The following DOK6 variants were observed in gnomAD, a reference collection of about 807,000 sequenced individuals.
DOK6 encodes the protein downstream of tyrosine kinase 6.
A neutral mutation model predicts 44.0 loss-of-function variants in DOK6; 22 were observed. The observed-to-expected ratio is 0.50, with a 90% CI of 0.36 to 0.71. The LOEUF is 0.71. Among genes scored for constraint, DOK6 ranks in the 30% least tolerant of loss-of-function variants. The pLI, the probability that DOK6 is intolerant of heterozygous loss-of-function variation, is 0.00. For missense variants in DOK6, 340 were observed against 416.4 expected, an observed-to-expected ratio of 0.82 and a Z score of 1.60; for synonymous variants, 166 against 145.5, an observed-to-expected ratio of 1.14 and a Z score of -1.01.
At chr18:69,779,763 T>C (rs1980200074) in intron 7 of DOK6, among the ~76,000 whole-genome samples, 1 of 151,790 alleles carries the variant, frequency 6.6e-6, no homozygotes, top group African/African-American at 2.4e-5. Flanking sequence ...CACTGTATCA[T>C]AGTCCATTCA....
At position 69,611,495 on chromosome 18, in the gene DOK6, T is replaced by TACAC. The variant is rs58620722; in HGVS notation, c.289+12028_289+12031dup. On this transcript the variant is annotated intron_variant, in intron 3 of 7. Coordinates refer to ENST00000382713, the MANE Select transcript of DOK6 (RefSeq NM_152721.6). ...AAAAGGAAAAAGAAACAAGTACACG[T>TACAC]ACACACACACACACACACACACACA... Among the ~76,000 whole-genome samples, 1,002 of 150,894 alleles carry TACAC rather than the reference T, an allele frequency of 6.6e-3. 13 individuals are homozygous for TACAC. Among genetic ancestry groups the TACAC allele is most frequent in the East Asian group, 0.028 (139 of 5,032 alleles).
chr18:69,435,025 G>GGGAAGGAAGGAAGGAC (rs1246684554), intron 1 of DOK6, among the ~76,000 whole-genome samples: 4,635 of 72,178 alleles, frequency 0.064, 471 homozygotes, highest in East Asian at 0.14. Context: ...TAGGGAGGGA[G>GGGAAGGAAGGAAGGAC]GGAAGGAAGG....
intron 7 of DOK6, among the ~76,000 whole-genome samples, chr18:69,784,970 G>A (rs538549119): frequency 1.2e-4 from 19 of 152,200 alleles, no homozygotes; most frequent in African/African-American, 4.3e-4. Flanking sequence ...TAAACACTAC[G>A]GCAACACTTT....
intron 1 of DOK6, among the ~76,000 whole-genome samples, chr18:69,504,991 AT>A (rs1370970146): frequency 1.3e-5 from 2 of 152,072 alleles, no homozygotes; most frequent in Non-Finnish European, 2.9e-5. Context: ...CTCTGCACTT[AT>A]TTTCACGTAA....
At chr18:69,662,351 CA>C (rs1985550817) in intron 3 of DOK6, 1 of 152,210 alleles carries the variant, frequency 6.6e-6, no homozygotes, top group Non-Finnish European at 1.5e-5. Flanking sequence ...GAGGCTTTCA[CA>C]CTTTACTCAG....
At chr18:69,439,439 G>A (rs1311212832) in intron 1 of DOK6, among the ~76,000 whole-genome samples, 1 of 152,168 alleles carries the variant, frequency 6.6e-6, no homozygotes, top group African/African-American at 2.4e-5. Context: ...TTCTAGATAT[G>A]AAAGTCCTGA....
At chr18:69,657,658 A>T (rs562662067) in intron 3 of DOK6, among the ~76,000 whole-genome samples, 5 of 152,334 alleles carry the variant, frequency 3.3e-5, no homozygotes, top group Admixed American at 3.3e-4. Context: ...CTTCACCCTT[A>T]TACACCTAAC....
chr18:69,517,136 G>A (rs1438676150), intron 1 of DOK6, among the ~76,000 whole-genome samples: 1 of 151,964 alleles, frequency 6.6e-6, no homozygotes, highest in East Asian at 1.9e-4. Context: ...GGAGATTCTT[G>A]GTCAATAAGT....
chr18:69,448,118 G>A (rs1203408020), intron 1 of DOK6, among the ~76,000 whole-genome samples: 1 of 152,208 alleles, frequency 6.6e-6, no homozygotes, highest in African/African-American at 2.4e-5. Flanking sequence ...TCACTCATCT[G>A]GAAAGTGGGA....
chr18:69,535,040 G>A (rs894273525), intron 1 of DOK6, among the ~76,000 whole-genome samples: 2 of 151,962 alleles, frequency 1.3e-5, no homozygotes, highest in Non-Finnish European at 1.5e-5. Flanking sequence ...GCTTCCCTGT[G>A]TCTCAGTGCA....
At chr18:69,820,565 G>A (rs927649831) in intron 7 of DOK6, among the ~76,000 whole-genome samples, 5 of 152,022 alleles carry the variant, frequency 3.3e-5, no homozygotes, top group African/African-American at 7.2e-5. Context: ...GAAACTTAAC[G>A]CAGTATTAAC....
At chr18:69,530,549 G>A (rs1981956682) in intron 1 of DOK6, among the ~76,000 whole-genome samples, 1 of 151,622 alleles carries the variant, frequency 6.6e-6, no homozygotes, top group African/African-American at 2.4e-5. Context: ...AAGATGAGAA[G>A]TATCAAAGAA....
At chr18:69,646,382 T>C (rs1189121427) in intron 3 of DOK6, among the ~76,000 whole-genome samples, 2 of 152,230 alleles carry the variant, frequency 1.3e-5, no homozygotes, top group African/African-American at 2.4e-5. Context: ...AATGCAGACA[T>C]GAGTATGATG....
intron 2 of DOK6, among the ~76,000 whole-genome samples, chr18:69,589,039 C>T (rs1353924555): frequency 6.6e-6 from 1 of 151,544 alleles, no homozygotes; most frequent in East Asian, 1.9e-4. Flanking sequence ...CAACAGGAGG[C>T]AAATATAAGG....
chr18:69,598,326 T>C (rs1983794960), intron 2 of DOK6, among the ~76,000 whole-genome samples: 1 of 151,778 alleles, frequency 6.6e-6, no homozygotes, highest in Non-Finnish European at 1.5e-5. Context: ...AAAATATTAA[T>C]CAGCAAAATA....
At chr18:69,646,700 C>A (rs1477724431) in intron 3 of DOK6, among the ~76,000 whole-genome samples, 1 of 152,108 alleles carries the variant, frequency 6.6e-6, no homozygotes, top group East Asian at 1.9e-4. Context: ...TCCTTTACCA[C>A]CAAACGTCTA....
intron 6 of DOK6, among the ~76,000 whole-genome samples, chr18:69,757,242 G>A (rs191444946): frequency 3.1e-3 from 466 of 152,286 alleles, no homozygotes; most frequent in Non-Finnish European, 5.6e-3. Flanking sequence ...CATTGTGTAA[G>A]GTTGGGAGGA....
intron 1 of DOK6, among the ~76,000 whole-genome samples, chr18:69,447,310 G>A (rs1385761548): frequency 6.6e-6 from 1 of 152,108 alleles, no homozygotes; most frequent in Non-Finnish European, 1.5e-5. Context: ...ATTAAATAGG[G>A]AATCCTTTCC....
At chr18:69,611,854 T>G (rs1335856154) in intron 3 of DOK6, among the ~76,000 whole-genome samples, 1 of 152,126 alleles carries the variant, frequency 6.6e-6, no homozygotes, top group African/African-American at 2.4e-5. Flanking sequence ...GGCTGTATGG[T>G]CACTAAAAAG....
Sources: gnomAD v4.1 joint callset for allele counts (sites outside exome capture counted in the v4.1 genomes callset) on GRCh38, gnomAD v4.1.1 for gene constraint, MANE v1.5 for transcripts, NCBI Gene and HGNC (gene_info 2026-07-23, HGNC 2026-07-21) for gene names.